ADCK1: variants seen among roughly 807,000 people sequenced by gnomAD.
ADCK1 encodes aarF domain-containing protein kinase 1.
ADCK1 carries 41 observed loss-of-function variants against 52.3 expected under a neutral mutation model. The ratio of observed to expected loss-of-function variants is 0.78; its 90% CI spans 0.61 to 1.02. The LOEUF is 1.02. ADCK1 is among the 50% of genes least tolerant of loss of function. The probability of loss-of-function intolerance (pLI) is 0.00; values close to 1 mark genes in which losing one functional copy is unlikely to be tolerated. For missense variants in ADCK1, 658 were observed against 679.5 expected (o/e 0.97, Z 0.35); for synonymous variants, 250 against 274.6 (o/e 0.91, Z 0.89).
chr14:77,830,108 T>C (rs559193597), intron 3 of ADCK1, among the ~76,000 whole-genome samples: 1 of 151,402 alleles, frequency 6.6e-6, no homozygotes, highest in South Asian at 2.1e-4. Context: ...CCTTTGGTGA[T>C]TGAGAATGCT....
chr14:77,826,897 A>G (rs1025475676), intron 3 of ADCK1, among the ~76,000 whole-genome samples: 6 of 152,168 alleles, frequency 3.9e-5, no homozygotes, highest in African/African-American at 1.4e-4. Flanking sequence ...CCTGAGCACC[A>G]GAGCCAGTTC....
At chr14:77,933,193 TC>T (rs762240526) in intron 10 of ADCK1, 26 bp from the exon 11 acceptor site, 10 of 1,607,540 alleles carry the variant, frequency 6.2e-6, no homozygotes, top group Non-Finnish European at 8.5e-6. Context: ...TTATCTCTTT[TC>T]TCCTTTTTTC....
chr14:77,840,855 G>A (rs1176297325), intron 3 of ADCK1, among the ~76,000 whole-genome samples: 1 of 139,222 alleles, frequency 7.2e-6, no homozygotes, highest in East Asian at 2.3e-4. Flanking sequence ...CTGAAAGAAA[G>A]AAGGGCAGCA....
At chr14:77,905,304 G>GTTTTTTGTTTT (rs2083636969) in intron 6 of ADCK1, among the ~76,000 whole-genome samples, 1 of 96,278 alleles carries the variant, frequency 1.0e-5, no homozygotes, top group African/African-American at 4.3e-5. Flanking sequence ...TTCCTAGCTG[G>GTTTTTTGTTTT]TTTTTTTTTT....
intron 4 of ADCK1, among the ~76,000 whole-genome samples, chr14:77,860,656 C>T (rs968307229): frequency 3.3e-5 from 5 of 152,170 alleles, no homozygotes; most frequent in African/African-American, 1.2e-4. Context: ...AGTCAGGGAG[C>T]AGGCTGCAAG....
At chr14:77,855,318 C>T (rs527967130) in intron 3 of ADCK1, among the ~76,000 whole-genome samples, 8 of 152,344 alleles carry the variant, frequency 5.3e-5, no homozygotes, top group South Asian at 4.1e-4. Flanking sequence ...ATGTAATCTT[C>T]GTAGCAGCCC....
At chr14:77,858,242 T>C (rs1199948944) in intron 3 of ADCK1, among the ~76,000 whole-genome samples, 1 of 152,124 alleles carries the variant, frequency 6.6e-6, no homozygotes, top group Non-Finnish European at 1.5e-5. Context: ...TAGTGATTTC[T>C]TTCTTTCTTT....
At chr14:77,884,920 A>C (rs1032222506) in intron 4 of ADCK1, among the ~76,000 whole-genome samples, 1 of 152,114 alleles carries the variant, frequency 6.6e-6, no homozygotes, top group Non-Finnish European at 1.5e-5. Context: ...TGCTTTTTCT[A>C]TTTTGGAAAG....
chr14:77,893,723 C>CCCTTCCTTCCTT (rs1415591247), intron 5 of ADCK1, among the ~76,000 whole-genome samples: 5 of 64,168 alleles, frequency 7.8e-5, no homozygotes, highest in Admixed American at 7.6e-4. Context: ...CTTGTTTCTT[C>CCCTTCCTTCCTT]CCTTCCTTCC....
rs576135347 is a variant in ADCK1, at chr14:77,827,556, A to AT, written c.219+5047dup. The stretch of plus-strand genomic sequence containing the variant: ...ATTCTTGGAGAAGCATACTGGGGTT[A>AT]TTTTTTTTTCTTTTTCTTTTTTTCT... On this transcript the variant is annotated intron_variant, in intron 3 of 10. Coordinates refer to ENST00000238561, the MANE Select transcript of ADCK1 (RefSeq NM_020421.4). Among the ~76,000 whole-genome samples, 157 of 149,612 alleles carry AT rather than the reference A, an allele frequency of 1.0e-3. 1 individual carries two copies. The highest frequency in any genetic ancestry group is 1.5e-3 in the Non-Finnish European group (98 of 67,344).
intron 3 of ADCK1, among the ~76,000 whole-genome samples, chr14:77,836,134 CCT>C (rs1176714973): frequency 6.6e-6 from 1 of 152,194 alleles, no homozygotes; most frequent in Non-Finnish European, 1.5e-5. Context: ...TCCCTCTCTC[CCT>C]CTCTGTCTCC....
At chr14:77,828,253 C>A (rs1288799543) in intron 3 of ADCK1, among the ~76,000 whole-genome samples, 1 of 152,134 alleles carries the variant, frequency 6.6e-6, no homozygotes, top group Non-Finnish European at 1.5e-5. Flanking sequence ...CGTAAGCCAC[C>A]ATGTTTGGCC....
Position 77,921,188 on chromosome 14 carries a change from G to A in ADCK1, c.859-3269G>A, listed in dbSNP as rs572121400. 2.5e-4 allele frequency among the ~76,000 whole-genome samples: 37 copies of A among 150,840 alleles called. No homozygotes were observed. In the South Asian group the frequency reaches 6.8e-3, roughly 28 times the overall value. ...TAAAAATACAAAAAATTAGCCAGGCGTGGTGGCAGGCACCTGTAGTCCCAG... is the reference window on the plus strand; with the variant it reads ...TAAAAATACAAAAAATTAGCCAGGCATGGTGGCAGGCACCTGTAGTCCCAG... On this transcript the variant is annotated intron_variant, in intron 7 of 10. Coordinates refer to ENST00000238561, the MANE Select transcript of ADCK1 (RefSeq NM_020421.4).
intron 4 of ADCK1, among the ~76,000 whole-genome samples, chr14:77,871,294 C>T (rs144177562): frequency 8.5e-5 from 13 of 152,176 alleles, no homozygotes; most frequent in African/African-American, 2.9e-4. Flanking sequence ...GTGTCAAATA[C>T]GTACCTTTCA....
intron 4 of ADCK1, among the ~76,000 whole-genome samples, chr14:77,860,256 T>C (rs2082514951): frequency 2.0e-5 from 3 of 152,250 alleles, no homozygotes; most frequent in Admixed American, 2.0e-4. Flanking sequence ...ATGAAGACCA[T>C]GACAGTCCTT....
intron 4 of ADCK1, among the ~76,000 whole-genome samples, chr14:77,877,598 G>A (rs1169905936): frequency 6.6e-6 from 1 of 152,162 alleles, no homozygotes; most frequent in Non-Finnish European, 1.5e-5. Flanking sequence ...GGAGTTGCTG[G>A]CTTTTGTATT....
intron 4 of ADCK1, among the ~76,000 whole-genome samples, chr14:77,862,158 A>G (rs780527934): frequency 6.6e-6 from 1 of 152,178 alleles, no homozygotes; most frequent in South Asian, 2.1e-4. Context: ...CTCAGCTAGT[A>G]TTACCAGAAA....
Position 77,907,944 on chromosome 14 carries a change from T to G in ADCK1, c.858+25T>G, listed in dbSNP as rs1426490338. The stretch of plus-strand genomic sequence containing the variant: ...GGTGAGGTCAAGAGCTCAGGGCTGC[T>G]GTGCCGGGGAACGTGGGCTTGGTCA... On this transcript the variant is annotated intron_variant, in intron 7 of 10. Coordinates refer to ENST00000238561, the MANE Select transcript of ADCK1 (RefSeq NM_020421.4). The G allele has an allele frequency of 4.4e-6, 7 of 1,606,010 alleles. No individual in the cohort carries two copies. In the South Asian group the frequency reaches 4.4e-5, roughly 10 times the overall value.
chr14:77,804,556 T>G (rs2081178717), intron 1 of ADCK1, among the ~76,000 whole-genome samples: 1 of 142,900 alleles, frequency 7.0e-6, no homozygotes, highest in African/African-American at 2.6e-5. Context: ...AGGGGACAGG[T>G]GTGGAGGTTG....
Sources: gnomAD v4.1 joint callset for allele counts (sites outside exome capture counted in the v4.1 genomes callset) on GRCh38, gnomAD v4.1.1 for gene constraint, MANE v1.5 for transcripts, NCBI Gene and HGNC (gene_info 2026-07-23, HGNC 2026-07-21) for gene names.